ZDHHC14: variants seen among roughly 807,000 people sequenced by gnomAD.
ZDHHC14 encodes zDHHC palmitoyltransferase 14.
Under a neutral mutation model 47.7 loss-of-function variants are expected in ZDHHC14, and 16 were observed. That is an observed-to-expected ratio of 0.34 (90% CI 0.23 to 0.51). ZDHHC14 has a LOEUF of 0.51. Ranked by LOEUF, ZDHHC14 falls within the 20% of genes least tolerant of loss-of-function variation. The pLI is 0.97. For missense variants in ZDHHC14, 515 were observed against 662.5 expected (o/e 0.78, Z 2.44); for synonymous variants, 293 against 278.9 (o/e 1.05, Z -0.50).
intron 1 of ZDHHC14, among the ~76,000 whole-genome samples, chr6:157,398,055 C>A (rs1015293697): frequency 6.7e-6 from 1 of 150,148 alleles, no homozygotes; most frequent in African/African-American, 2.5e-5. Context: ...GCTCCCCAGC[C>A]CCCCAGCTCC....
intron 4 of ZDHHC14, chr6:157,630,102 C>T (rs921512560): frequency 6.6e-6 from 1 of 152,192 alleles, no homozygotes; most frequent in African/African-American, 2.4e-5. Context: ...ATTCTCCTGC[C>T]TCGAGTAGCT....
chr6:157,410,517 T>C (rs1777852476), intron 1 of ZDHHC14, among the ~76,000 whole-genome samples: 2 of 152,178 alleles, frequency 1.3e-5, no homozygotes, highest in African/African-American at 4.8e-5. Flanking sequence ...CATTACCAAC[T>C]CAATTATCTG....
At chr6:157,483,040 C>T (rs1007865075) in intron 1 of ZDHHC14, among the ~76,000 whole-genome samples, 2 of 152,152 alleles carry the variant, frequency 1.3e-5, no homozygotes, top group African/African-American at 4.8e-5. Flanking sequence ...CCAGGCCTGG[C>T]CTTCAAAATA....
chr6:157,675,698 C>T lies in ZDHHC14; in HGVS notation c.*2576C>T, dbSNP rs1195801391. ...AGGGATGGTCGGAGGGGCAGCTCACCTGGCGAGGTGATGGCTCTGCATTTC... is the reference window on the plus strand; with the variant it reads ...AGGGATGGTCGGAGGGGCAGCTCACTTGGCGAGGTGATGGCTCTGCATTTC... On this transcript the variant is annotated 3_prime_UTR_variant, in exon 9 of 9. Coordinates refer to ENST00000359775, the MANE Select transcript of ZDHHC14 (RefSeq NM_024630.3). The T allele has an allele frequency of 6.6e-6, 1 of 152,230 alleles. No homozygotes were observed. The highest frequency in any genetic ancestry group is 1.5e-5 in the Non-Finnish European group (1 of 68,044). 9.4% of individuals were successfully genotyped at this position (152,230 alleles called of 1,614,324 possible).
intron 8 of ZDHHC14, among the ~76,000 whole-genome samples, chr6:157,669,341 G>A (rs993202045): frequency 2.0e-5 from 3 of 151,838 alleles, no homozygotes; most frequent in African/African-American, 4.8e-5. Flanking sequence ...GGTGGGGGGG[G>A]AAGACAGAGA....
At chr6:157,402,886 C>T (rs143285784) in intron 1 of ZDHHC14, among the ~76,000 whole-genome samples, 27 of 152,284 alleles carry the variant, frequency 1.8e-4, no homozygotes, top group African/African-American at 6.3e-4. Context: ...ACCAGCACAC[C>T]TGGCTAGTTT....
chr6:157,606,172 A>T (rs148041599), intron 3 of ZDHHC14, among the ~76,000 whole-genome samples: 2,392 of 152,178 alleles, frequency 0.016, 57 homozygotes, highest in African/African-American at 0.055. Flanking sequence ...GCCCCTTAAG[A>T]TCTGAGGAGA....
chr6:157,657,483 C>T (rs538017592), intron 8 of ZDHHC14, among the ~76,000 whole-genome samples: 4 of 152,294 alleles, frequency 2.6e-5, no homozygotes, highest in East Asian at 1.9e-4. Flanking sequence ...AACACTCCAG[C>T]GTCACAGCCC....
intron 4 of ZDHHC14, 147 bp downstream of exon 4, chr6:157,628,633 T>A: frequency 9.1e-7 from 1 of 1,101,212 alleles, no homozygotes; most frequent in Non-Finnish European, 1.3e-6. Context: ...CCAGCCTGCC[T>A]CGCTTTTGTT....
intron 1 of ZDHHC14, among the ~76,000 whole-genome samples, chr6:157,481,611 C>T (rs1388578715): frequency 1.3e-5 from 2 of 152,198 alleles, no homozygotes; most frequent in African/African-American, 4.8e-5. Flanking sequence ...GCCTTTTCCC[C>T]TTCCTGCCAA....
chr6:157,395,903 G>A (rs745509846), intron 1 of ZDHHC14, among the ~76,000 whole-genome samples: 5 of 152,082 alleles, frequency 3.3e-5, no homozygotes, highest in South Asian at 4.1e-4. Context: ...GTATAAAATC[G>A]GTACTTGAGG....
chr6:157,491,801 CT>C (rs1183056623), intron 1 of ZDHHC14, among the ~76,000 whole-genome samples: 1 of 152,194 alleles, frequency 6.6e-6, no homozygotes, highest in African/African-American at 2.4e-5. Context: ...CAGGTAAAAG[CT>C]TTGGAATGGG....
At chr6:157,619,225 T>TTA (rs796496217) in intron 3 of ZDHHC14, among the ~76,000 whole-genome samples, 7 of 141,696 alleles carry the variant, frequency 4.9e-5, no homozygotes, top group African/African-American at 1.8e-4. Flanking sequence ...TACTAAAAAT[T>TTA]AAAAAAAAAA....
chr6:157,489,621 C>A (rs975564089), intron 1 of ZDHHC14, among the ~76,000 whole-genome samples: 2 of 152,124 alleles, frequency 1.3e-5, no homozygotes, highest in Non-Finnish European at 2.9e-5. Flanking sequence ...ATGTTTAGAA[C>A]CCAAGATGTG....
chr6:157,623,401 G>A (rs549032221), intron 3 of ZDHHC14, among the ~76,000 whole-genome samples: 9 of 152,048 alleles, frequency 5.9e-5, no homozygotes, highest in Admixed American at 2.0e-4. Context: ...ATGTGTTTGC[G>A]TCCCCTTCCA....
At chr6:157,603,962 A>G (rs1403923756) in intron 3 of ZDHHC14, among the ~76,000 whole-genome samples, 2 of 152,202 alleles carry the variant, frequency 1.3e-5, no homozygotes, top group South Asian at 2.1e-4. Context: ...CTCTGTATTC[A>G]TGGGTTCCAC....
intron 3 of ZDHHC14, among the ~76,000 whole-genome samples, chr6:157,603,360 G>C (rs1191423228): frequency 6.6e-6 from 1 of 152,222 alleles, no homozygotes; most frequent in Non-Finnish European, 1.5e-5. Flanking sequence ...ACTCAGGATG[G>C]TCATTTTAGA....
rs1777219130 is a variant in ZDHHC14, at chr6:157,381,922, CGGG to C, written c.-96_-94del. On this transcript the variant is annotated 5_prime_UTR_variant, in exon 1 of 9. Transcript: ENST00000359775. Reference sequence around the variant, plus strand: ...GTGTAGGGGCCGCGGCGCCGCGGCTCGGGGGGCGGCCGGGCGGCCGGCGGCGGT... The same window carrying C: ...GTGTAGGGGCCGCGGCGCCGCGGCTCGGGCGGCCGGGCGGCCGGCGGCGGT... 1 of 956,340 alleles carries C rather than the reference CGGG, an allele frequency of 1.0e-6. No homozygotes were observed. The highest frequency in any genetic ancestry group is 1.8e-5 in the African/African-American group (1 of 54,584). The allele number at this position is 956,340 out of a possible 1,614,324, so 59.2% of individuals were successfully genotyped here. A position where few individuals can be genotyped will look rare whatever the true frequency, so the allele number is the denominator to read the frequency against.
intron 2 of ZDHHC14, chr6:157,592,711 G>T: frequency 8.5e-7 from 1 of 1,177,970 alleles, no homozygotes; most frequent in African/African-American, 1.6e-5. Context: ...GGAAAAGGGC[G>T]GGGCTCCACA....
Sources: allele counts gnomAD v4.1 joint callset (sites outside exome capture counted in the v4.1 genomes callset), GRCh38; gene constraint gnomAD v4.1.1; transcripts MANE v1.5; gene names NCBI Gene and HGNC (gene_info 2026-07-23, HGNC 2026-07-21).